Variants in HS6ST3 observed in about 807,000 individuals in gnomAD.
The protein encoded by HS6ST3 is heparan sulfate 6-O-sulfotransferase 3.
In HS6ST3, 12 loss-of-function variants were observed where a neutral mutation model predicts 36.7. The observed-to-expected ratio is 0.33, with a 90% CI of 0.21 to 0.53. The LOEUF is 0.53. HS6ST3 is among the 20% of genes least tolerant of loss of function. The pLI is 0.95. For missense variants in HS6ST3, 584 were observed against 640.9 expected (o/e 0.91, Z 0.96); for synonymous variants, 240 against 257.5 (o/e 0.93, Z 0.65).
intron 1 of HS6ST3, among the ~76,000 whole-genome samples, chr13:96,244,161 A>G (rs532755955): frequency 6.6e-6 from 1 of 152,336 alleles, no homozygotes; most frequent in African/African-American, 2.4e-5. Context: ...TAATGAAAAA[A>G]TAGTAATTAT....
At chr13:96,234,378 A>G (rs1209279497) in intron 1 of HS6ST3, among the ~76,000 whole-genome samples, 4 of 152,302 alleles carry the variant, frequency 2.6e-5, no homozygotes, top group Admixed American at 2.6e-4. Flanking sequence ...CCTGGGTGAC[A>G]GAGCAAGACT....
intron 1 of HS6ST3, among the ~76,000 whole-genome samples, chr13:96,359,840 C>T (rs890463492): frequency 2.0e-5 from 3 of 152,160 alleles, no homozygotes; most frequent in Non-Finnish European, 2.9e-5. Context: ...TTGCAAAACA[C>T]TTCTGTCCAT....
At chr13:96,169,116 C>A (rs911701033) in intron 1 of HS6ST3, among the ~76,000 whole-genome samples, 2 of 152,154 alleles carry the variant, frequency 1.3e-5, no homozygotes, top group South Asian at 4.1e-4. Flanking sequence ...CTGCAAAGGG[C>A]TGCAACCTTA....
At chr13:96,310,117 T>G (rs2054932932) in intron 1 of HS6ST3, among the ~76,000 whole-genome samples, 1 of 152,194 alleles carries the variant, frequency 6.6e-6, no homozygotes, top group African/African-American at 2.4e-5. Flanking sequence ...TTCAAGAATT[T>G]TATATGTGTA....
chr13:96,579,851 G>A (rs77885290), intron 1 of HS6ST3, among the ~76,000 whole-genome samples: 9,145 of 152,166 alleles, frequency 0.06, 297 homozygotes, highest in Middle Eastern at 0.092. Flanking sequence ...TCCCCTGTGA[G>A]TGCTACTGGT....
chr13:96,278,489 C>T (rs2054759441), intron 1 of HS6ST3, among the ~76,000 whole-genome samples: 3 of 152,168 alleles, frequency 2.0e-5, no homozygotes, highest in South Asian at 4.1e-4. Context: ...ATAGGAAAAG[C>T]CAAGAGCTAA....
intron 1 of HS6ST3, among the ~76,000 whole-genome samples, chr13:96,490,835 C>T (rs1451720495): frequency 6.6e-6 from 1 of 152,218 alleles, no homozygotes; most frequent in Non-Finnish European, 1.5e-5. Context: ...GTATTACCAC[C>T]GGCTATGCTG....
chr13:96,699,920 A>T (rs1482405292), intron 1 of HS6ST3, among the ~76,000 whole-genome samples: 2 of 152,242 alleles, frequency 1.3e-5, no homozygotes, highest in African/African-American at 4.8e-5. Context: ...TTGCTGAATC[A>T]GTGCTAAATA....
rs1312028803 is a variant in HS6ST3, at chr13:96,832,509, A to G, written c.727A>G (p.Met243Val). 8 of 1,579,054 alleles carry G rather than the reference A, an allele frequency of 5.1e-6. No homozygotes were observed. Among genetic ancestry groups the G allele is most frequent in the Non-Finnish European group, 6.0e-6 (7 of 1,164,212 alleles). Residue 243 changes from methionine (M) to valine (V), a missense_variant, in exon 2 of 2, where the codon ATG (methionine) becomes GTG (valine). Physicochemically the swap from Met to Val is conservative, Grantham distance 21. Around this residue, in one of 3 missense-constraint regions of HS6ST3, gnomAD observed 360 missense variants for 411.3 expected, o/e 0.88. Transcript: ENST00000376705. ...TTCTAGGAATTTCTATTACATCACA[A>G]TGTTACGGGATCCAGTGTCACGTTA... ...SHTRNFYYITMLRDPVSRYLS... is the reference protein window; with the variant it reads ...SHTRNFYYITVLRDPVSRYLS...
chr13:96,494,599 G>A (rs2055965186), intron 1 of HS6ST3, among the ~76,000 whole-genome samples: 1 of 150,870 alleles, frequency 6.6e-6, no homozygotes, highest in Non-Finnish European at 1.5e-5. Context: ...TAAAGGGAGG[G>A]TCCAGGAATG....
chr13:96,446,188 G>T lies in HS6ST3; in HGVS notation c.707+354619G>T, dbSNP rs1016744013. 2.0e-5 allele frequency among the ~76,000 whole-genome samples: 3 copies of T among 150,324 alleles called. No individual in the cohort carries two copies. The East Asian group carries it at 5.9e-4, about 30-fold the overall frequency. ...ACTCCATCTCAAAAAAAAAAAAAAA[G>T]TTTTTTTAAGTAAAAAATATTTCGT... On this transcript the variant is annotated intron_variant, in intron 1 of 1. Coordinates refer to ENST00000376705, the MANE Select transcript of HS6ST3 (RefSeq NM_153456.4).
chr13:96,755,953 T>G (rs997849643), intron 1 of HS6ST3, among the ~76,000 whole-genome samples: 1 of 152,192 alleles, frequency 6.6e-6, no homozygotes, highest in African/African-American at 2.4e-5. Context: ...CCCAACTGTG[T>G]GCGTACCATT....
chr13:96,399,848 C>T (rs1040816205), intron 1 of HS6ST3, among the ~76,000 whole-genome samples: 1 of 152,198 alleles, frequency 6.6e-6, no homozygotes, highest in African/African-American at 2.4e-5. Context: ...TAGTTGTCAC[C>T]AACTCATAAT....
chr13:96,684,533 A>G (rs1874715325), intron 1 of HS6ST3, among the ~76,000 whole-genome samples: 2 of 151,812 alleles, frequency 1.3e-5, no homozygotes, highest in Non-Finnish European at 2.9e-5. Flanking sequence ...ATTTCTCTGT[A>G]TGCGCATATT....
intron 1 of HS6ST3, among the ~76,000 whole-genome samples, chr13:96,152,665 T>C (rs1383358591): frequency 1.3e-5 from 2 of 152,094 alleles, no homozygotes; most frequent in Non-Finnish European, 2.9e-5. Flanking sequence ...TCAGCAGTCT[T>C]TTTTATATGC....
At chr13:96,359,171 G>A (rs2055225009) in intron 1 of HS6ST3, among the ~76,000 whole-genome samples, 1 of 152,044 alleles carries the variant, frequency 6.6e-6, no homozygotes, top group Admixed American at 6.6e-5. Context: ...GCCTAACTCG[G>A]CAAGATGAGT....
chr13:96,833,323 T>C lies in HS6ST3; in HGVS notation c.*125T>C. The C allele has an allele frequency of 1.5e-6, 1 of 677,952 alleles. No homozygotes were observed. Among genetic ancestry groups the C allele is most frequent in the Non-Finnish European group, 2.4e-6 (1 of 415,362 alleles). 42.0% of individuals were successfully genotyped at this position (677,952 alleles called of 1,614,324 possible). A position where few individuals can be genotyped will look rare whatever the true frequency, so the allele number is the denominator to read the frequency against. On this transcript the variant is annotated 3_prime_UTR_variant, in exon 2 of 2. Transcript: ENST00000376705. ...GCTGTGTGTGCTTGATTTGGACATC[T>C]TCTTCCTTCTTTGTCTTCATTTTTA...
chr13:96,761,591 T>C (rs968920630), intron 1 of HS6ST3, among the ~76,000 whole-genome samples: 3 of 152,156 alleles, frequency 2.0e-5, no homozygotes, highest in Admixed American at 2.0e-4. Flanking sequence ...CCCTTCCCAA[T>C]CTAATCTTCC....
At chr13:96,518,696 G>A (rs1594798541) in intron 1 of HS6ST3, among the ~76,000 whole-genome samples, 2 of 152,092 alleles carry the variant, frequency 1.3e-5, no homozygotes, top group Admixed American at 1.3e-4. Flanking sequence ...TTTTTAAGCT[G>A]TAAACATTAG....
Sources: allele counts gnomAD v4.1 joint callset (sites outside exome capture counted in the v4.1 genomes callset), GRCh38; gene constraint gnomAD v4.1.1; regional missense constraint gnomAD v4.1.1; transcripts MANE v1.5; gene names NCBI Gene and HGNC (gene_info 2026-07-23, HGNC 2026-07-21).